Variants in IKBIP observed in about 807,000 individuals in gnomAD.
The protein encoded by IKBIP is IKBKB interacting protein, also known as inhibitor of nuclear factor kappa-B kinase-interacting protein.
A neutral mutation model predicts 31.0 loss-of-function variants in IKBIP; 28 were observed. The observed-to-expected ratio is 0.90, with a 90% CI of 0.67 to 1.24. The LOEUF is 1.24. Among genes scored for constraint, IKBIP ranks in the 50% most tolerant of loss-of-function variants. The pLI is 0.00. For synonymous variants in IKBIP, 164 were observed against 160.3 expected (o/e 1.02, Z -0.17); for missense variants, 453 against 441.9 (o/e 1.03, Z -0.23).
At chr12:98,633,510 C>CTTTTTTTTTTTTATTTTTTTT (rs2097622976) in intron 2 of IKBIP, among the ~76,000 whole-genome samples, 1 of 61,372 alleles carries the variant, frequency 1.6e-5, no homozygotes, top group Non-Finnish European at 2.8e-5. Context: ...TTTTTTAATT[C>CTTTTTTTTTTTTATTTTTTTT]TTTTTTTTTT....
At position 98,625,989 on chromosome 12, in the gene IKBIP, C is replaced by T. The variant is rs771726716; in HGVS notation, c.1075G>A (p.Glu359Lys). The T allele has an allele frequency of 3.4e-6, 5 of 1,488,494 alleles. No homozygotes were observed. In the South Asian group the frequency reaches 4.1e-5, roughly 12 times the overall value. The allele number at this position is 1,488,494 out of a possible 1,614,324, so 92.2% of individuals were successfully genotyped here. A position where few individuals can be genotyped will look rare whatever the true frequency, so the allele number is the denominator to read the frequency against. Residue 359 changes from glutamate to lysine, a missense_variant, in exon 3 of 3, where the codon GAA becomes AAA. Glu to Lys is a moderately conservative substitution (Grantham distance 56, BLOSUM62 1). Transcript: ENST00000299157. Reference sequence around the variant, plus strand: ...TTATATTCTTTTAAAGTTCCCTTTTCTCCTGTACTTGAGTATGCTATAAAA... The same window carrying T: ...TTATATTCTTTTAAAGTTCCCTTTTTTCCTGTACTTGAGTATGCTATAAAA... Reference protein sequence around the residue: ...HDFIAYSSTGEKGTLKEYNIE... With the variant: ...HDFIAYSSTGKKGTLKEYNIE...
At position 98,634,416 on chromosome 12, in the gene IKBIP, G is replaced by T; in HGVS notation, c.180-3C>A. 1 of 1,455,824 alleles carries T rather than the reference G, an allele frequency of 6.9e-7. No individual in the cohort carries two copies. Among genetic ancestry groups the T allele is most frequent in the East Asian group, 2.3e-5 (1 of 43,812 alleles). The allele number at this position is 1,455,824 out of a possible 1,614,324, so 90.2% of individuals were successfully genotyped here. On this transcript the variant is annotated splice_region_variant and splice_polypyrimidine_tract_variant and intron_variant, in intron 1 of 2. Coordinates refer to ENST00000299157, the MANE Select transcript of IKBIP (RefSeq NM_153687.4). ...TTTCTGACTGCTGAAATACAAACCT[G>T]GAAAAGAAAAGAAAAATCACTATTC...
In IKBIP at chr12:98,627,609, T is replaced by G. The variant is rs76453636; in HGVS notation, c.298-843A>C. On this transcript the variant is annotated intron_variant, in intron 2 of 2. Coordinates refer to ENST00000299157, the MANE Select transcript of IKBIP (RefSeq NM_153687.4). ...GCCCGCCACCACACCCGGCTAATTT[T>G]TTGTATTTTTAGTAGAGACGGGGTT... 6.8e-3 allele frequency among the ~76,000 whole-genome samples: 1,027 copies of G among 152,134 alleles called. 9 individuals are homozygous for G. Among genetic ancestry groups the G allele is most frequent in the Non-Finnish European group, 9.3e-3 (629 of 67,986 alleles).
At chr12:98,634,494 C>A in intron 1 of IKBIP, 81 bp from the exon 2 acceptor site, 2 of 647,738 alleles carry the variant, frequency 3.1e-6, no homozygotes, top group Admixed American at 2.8e-5. Flanking sequence ...ATACCCACTT[C>A]TGTTAAGAAC....
At chr12:98,624,036 G>T (rs2097612083), downstream of IKBIP, among the ~76,000 whole-genome samples, 1 of 151,092 alleles carries the variant, frequency 6.6e-6, no homozygotes, top group Admixed American at 6.6e-5. Context: ...TAGAAGTGCA[G>T]TTTTCTTCCT....
chr12:98,615,961 G>T (rs1047184604), intron 2 of IKBIP, among the ~76,000 whole-genome samples: 1 of 151,902 alleles, frequency 6.6e-6, no homozygotes, highest in Non-Finnish European at 1.5e-5. Flanking sequence ...ATGAATATGG[G>T]AGTGCAGAAA....
At chr12:98,639,861 A>T (rs941208662) in intron 1 of IKBIP, among the ~76,000 whole-genome samples, 34 of 152,236 alleles carry the variant, frequency 2.2e-4, no homozygotes, top group Non-Finnish European at 4.1e-4. Context: ...GTTTCATACC[A>T]TCTATAGCCT....
At chr12:98,633,742 C>A (rs2097623287) in intron 2 of IKBIP, among the ~76,000 whole-genome samples, 1 of 152,006 alleles carries the variant, frequency 6.6e-6, no homozygotes, top group Non-Finnish European at 1.5e-5. Flanking sequence ...TCTCCTAACT[C>A]CTGACCTCAA....
downstream of IKBIP, among the ~76,000 whole-genome samples, chr12:98,623,895 AG>A (rs2097611991): frequency 6.6e-6 from 1 of 151,196 alleles, no homozygotes; most frequent in South Asian, 2.1e-4. Context: ...AGACAAATTA[AG>A]TACATCTAAA....
exon 3 of IKBIP, chr12:98,613,563 G>T: frequency 7.7e-7 from 1 of 1,299,838 alleles, no homozygotes; most frequent in Non-Finnish European, 1.0e-6. Context: ...AATTACCTTA[G>T]TCTAATCTCA....
At chr12:98,619,450 C>G (rs1229474020), downstream of IKBIP, among the ~76,000 whole-genome samples, 1 of 152,168 alleles carries the variant, frequency 6.6e-6, no homozygotes, top group African/African-American at 2.4e-5. Context: ...TTTATAATAG[C>G]AATGTATCAT....
In IKBIP at chr12:98,613,914, CAG is replaced by C. The variant is rs1219798366; in HGVS notation, c.722_723del (p.Ser241CysfsTer2). 4 of 1,613,718 alleles carry C rather than the reference CAG, an allele frequency of 2.5e-6. No homozygotes were observed. The highest frequency in any genetic ancestry group is 3.4e-6 in the Non-Finnish European group (4 of 1,179,748). On this transcript the variant is annotated frameshift_variant, in exon 3 of 3. Transcript: ENST00000342502. LOFTEE classifies it high-confidence loss of function. ...TTTAGTTCGGTTAGCGTCTTCTTAA[CAG>C]AGTTAATTCTTTGTGAATTTTCAGA...
chr12:98,635,445 C>T (rs1279236791), intron 1 of IKBIP, among the ~76,000 whole-genome samples: 1 of 152,162 alleles, frequency 6.6e-6, no homozygotes, highest in Non-Finnish European at 1.5e-5. Flanking sequence ...GTGGTAGGTA[C>T]TGGTTTAACT....
chr12:98,621,760 A>G (rs2097610296), downstream of IKBIP, among the ~76,000 whole-genome samples: 1 of 152,126 alleles, frequency 6.6e-6, no homozygotes, highest in Non-Finnish European at 1.5e-5. Context: ...AAGGTAGGTA[A>G]TCAATATATA....
Position 98,644,657 on chromosome 12 carries a change from G to C in IKBIP, c.45C>G (p.Ala15=). Residue 15 remains alanine (A), a synonymous_variant, in exon 1 of 3, where the codon GCC becomes GCG. Transcript: ENST00000299157. ...KSRKKSGPKG[A]PAAEPGKRSE... is the part of the protein sequence containing the mutation. Reference sequence around the variant, plus strand: ...TCCGCTTCCCGGGCTCCGCAGCAGGGGCTCCCTTGGGCCCCGACTTCTTCC... The same window carrying C: ...TCCGCTTCCCGGGCTCCGCAGCAGGCGCTCCCTTGGGCCCCGACTTCTTCC... 1 of 1,610,960 alleles carries C rather than the reference G, an allele frequency of 6.2e-7. No homozygotes were observed. Among genetic ancestry groups the C allele is most frequent in the Non-Finnish European group, 8.5e-7 (1 of 1,179,256 alleles).
At chr12:98,632,512 A>AAAAAAAATTATATATAT (rs1565842287) in intron 2 of IKBIP, among the ~76,000 whole-genome samples, 1 of 22,792 alleles carries the variant, frequency 4.4e-5, no homozygotes, top group African/African-American at 1.7e-4. Context: ...AAAAAAAAAA[A>AAAAAAAATTATATATAT]ATATATATAT....
Position 98,624,537 on chromosome 12 carries a change from C to T in IKBIP, c.*1393G>A, listed in dbSNP as rs970523047. The T allele has an allele frequency of 3.0e-6, 3 of 984,296 alleles. No homozygotes were observed. Among genetic ancestry groups the T allele is most frequent in the African/African-American group, 1.7e-5 (1 of 57,202 alleles). The allele number at this position is 984,296 out of a possible 1,614,324, so 61.0% of individuals were successfully genotyped here. A position where few individuals can be genotyped will look rare whatever the true frequency, so the allele number is the denominator to read the frequency against. On this transcript the variant is annotated 3_prime_UTR_variant, in exon 3 of 3. Transcript: ENST00000299157. ...ACAACTACCTTTTTGTAACTGACTGCTTTCAAGTTCTTTGTGTTTAATTCC... is the reference window on the plus strand; with the variant it reads ...ACAACTACCTTTTTGTAACTGACTGTTTTCAAGTTCTTTGTGTTTAATTCC...
chr12:98,638,567 A>G (rs950956780), intron 1 of IKBIP, among the ~76,000 whole-genome samples: 1 of 150,368 alleles, frequency 6.7e-6, no homozygotes, highest in Non-Finnish European at 1.5e-5. Flanking sequence ...GAGCCAGAGC[A>G]CCCAGCCAAT....
intron 2 of IKBIP, among the ~76,000 whole-genome samples, chr12:98,619,113 G>A (rs115638581): frequency 1.4e-4 from 21 of 152,288 alleles, no homozygotes; most frequent in African/African-American, 5.1e-4. Flanking sequence ...GTGAGTTTGC[G>A]AAATGTTCCT....
Sources: gnomAD v4.1 joint callset for allele counts (sites outside exome capture counted in the v4.1 genomes callset) on GRCh38, gnomAD v4.1.1 for gene constraint, MANE v1.5 for transcripts, NCBI Gene and HGNC (gene_info 2026-07-23, HGNC 2026-07-21) for gene names.